Variants in STIM2 observed in about 807,000 individuals in gnomAD.
STIM2 encodes the protein stromal interaction molecule 2.
In STIM2, 31 loss-of-function variants were observed where a neutral mutation model predicts 85.8. The ratio of observed to expected loss-of-function variants is 0.36; its 90% CI spans 0.27 to 0.49. The LOEUF (loss-of-function observed/expected upper bound fraction) is 0.49, where lower values mean the gene tolerates loss of function less well. Among genes scored for constraint, STIM2 ranks in the 20% least tolerant of loss-of-function variants. The probability of loss-of-function intolerance (pLI) is 0.98; values close to 1 mark genes in which losing one functional copy is unlikely to be tolerated. For synonymous variants in STIM2, 356 were observed against 331.1 expected, an observed-to-expected ratio of 1.08 and a Z score of -0.82; for missense variants, 841 against 927.6, an observed-to-expected ratio of 0.91 and a Z score of 1.21.
At chr4:26,903,281 A>G (rs1212526223) in intron 1 of STIM2, among the ~76,000 whole-genome samples, 2 of 152,132 alleles carry the variant, frequency 1.3e-5, no homozygotes, top group Non-Finnish European at 2.9e-5. Context: ...CAAATCTGAC[A>G]TTGTCCAACA....
intron 2 of STIM2, among the ~76,000 whole-genome samples, chr4:26,957,109 A>G (rs866399817): frequency 1.2e-4 from 18 of 152,298 alleles, no homozygotes; most frequent in Middle Eastern, 6.8e-3. Context: ...ATTTGGATAT[A>G]ACCTACAGAC....
chr4:26,959,196 C>A lies in STIM2; in HGVS notation c.397+1470C>A, dbSNP rs1229017654. ...GACCCGTAAGCCTCTACATGTTCTGCCTTCTGTTTCCACCTCTCTCTCATC... is the reference window on the plus strand; with the variant it reads ...GACCCGTAAGCCTCTACATGTTCTGACTTCTGTTTCCACCTCTCTCTCATC... On this transcript the variant is annotated intron_variant, in intron 3 of 11. Transcript: ENST00000467087. Among the ~76,000 whole-genome samples the A allele has an allele frequency of 3.3e-5, 5 of 152,136 alleles. No homozygotes were observed. The East Asian group carries it at 7.7e-4, about 23-fold the overall frequency.
At chr4:26,903,625 A>G (rs549593359) in intron 1 of STIM2, among the ~76,000 whole-genome samples, 1 of 152,312 alleles carries the variant, frequency 6.6e-6, no homozygotes, top group South Asian at 2.1e-4. Context: ...AAATGGCACA[A>G]ATCTCTTGAC....
At chr4:26,908,408 C>T (rs775135473) in intron 1 of STIM2, among the ~76,000 whole-genome samples, 42 of 152,142 alleles carry the variant, frequency 2.8e-4, no homozygotes, top group Non-Finnish European at 1.2e-4. Context: ...GTTTAGTCAT[C>T]ATGAGAAGTG....
At chr4:27,001,406 GT>G (rs1454129886) in intron 5 of STIM2, among the ~76,000 whole-genome samples, 1 of 152,120 alleles carries the variant, frequency 6.6e-6, no homozygotes, top group East Asian at 1.9e-4. Flanking sequence ...AAGGCTGGGG[GT>G]TAACATCATA....
intron 1 of STIM2, among the ~76,000 whole-genome samples, chr4:26,892,443 G>A (rs1313971220): frequency 2.0e-5 from 3 of 152,050 alleles, no homozygotes; most frequent in South Asian, 2.1e-4. Context: ...TCAAGACGGC[G>A]CCACCCTCAT....
At chr4:26,969,968 A>G (rs1726869225) in intron 3 of STIM2, among the ~76,000 whole-genome samples, 1 of 151,688 alleles carries the variant, frequency 6.6e-6, no homozygotes, top group Non-Finnish European at 1.5e-5. Context: ...TTTTAGTACA[A>G]AGTTTCATTT....
chr4:26,981,059 A>G (rs1727368326), intron 3 of STIM2, among the ~76,000 whole-genome samples: 1 of 152,252 alleles, frequency 6.6e-6, no homozygotes, highest in South Asian at 2.1e-4. Flanking sequence ...AGGTACAGCT[A>G]TTCTTTCCCA....
rs201209556 is a variant in STIM2 at position 26,921,933 on chromosome 4, CCAAAAT to C, written c.282+2302_282+2307del. ...TAGAGCTCAGTCAGTACCAGCGATA[CCAAAAT>C]CATTACTTTCGATTCAAAGTAGATC... On this transcript the variant is annotated intron_variant, in intron 2 of 11. Transcript: ENST00000467087. Among the ~76,000 whole-genome samples, 1,339 of 152,276 alleles carry C rather than the reference CCAAAAT, an allele frequency of 8.8e-3. 9 individuals carry two copies. The highest frequency in any genetic ancestry group is 0.014 in the Non-Finnish European group (953 of 68,008).
At chr4:26,865,917 A>G (rs1220535975) in intron 1 of STIM2, among the ~76,000 whole-genome samples, 1 of 152,056 alleles carries the variant, frequency 6.6e-6, no homozygotes, top group East Asian at 1.9e-4. Context: ...ATGTGTTAGT[A>G]TTGTGCTAAG....
At chr4:27,003,574 T>C (rs1242464506) in intron 7 of STIM2, among the ~76,000 whole-genome samples, 2 of 152,114 alleles carry the variant, frequency 1.3e-5, no homozygotes, top group Non-Finnish European at 2.9e-5. Context: ...TTACTTAAGA[T>C]AGAATATAGG....
At chr4:27,002,430 C>G (rs1358987538) in intron 6 of STIM2, 36 bp downstream of exon 6, 3 of 1,516,744 alleles carry the variant, frequency 2.0e-6, no homozygotes, top group African/African-American at 2.8e-5. Context: ...TTTATGTAGG[C>G]AAATACAATT....
At chr4:26,870,582 A>G (rs1051347823) in intron 1 of STIM2, among the ~76,000 whole-genome samples, 1 of 152,180 alleles carries the variant, frequency 6.6e-6, no homozygotes, top group Non-Finnish European at 1.5e-5. Flanking sequence ...TTTAACTGAT[A>G]TATGATAGAT....
chr4:26,959,354 T>C (rs568988811), intron 3 of STIM2, among the ~76,000 whole-genome samples: 1 of 152,270 alleles, frequency 6.6e-6, no homozygotes, highest in Admixed American at 6.5e-5. Flanking sequence ...TTAAAGTCTT[T>C]ATCAAGGGTT....
At chr4:26,869,775 T>A (rs1053057435) in intron 1 of STIM2, among the ~76,000 whole-genome samples, 1 of 151,420 alleles carries the variant, frequency 6.6e-6, no homozygotes, top group African/African-American at 2.4e-5. Context: ...ATTTTGTTTC[T>A]TAAAAGGCCA....
chr4:26,945,238 C>T (rs964808308), intron 2 of STIM2, among the ~76,000 whole-genome samples: 4 of 152,142 alleles, frequency 2.6e-5, no homozygotes, highest in African/African-American at 4.8e-5. Context: ...AGGATAGTGG[C>T]CTCCAGTTTC....
At chr4:26,916,338 C>T (rs1314257973) in intron 1 of STIM2, among the ~76,000 whole-genome samples, 1 of 152,134 alleles carries the variant, frequency 6.6e-6, no homozygotes, top group Non-Finnish European at 1.5e-5. Flanking sequence ...TCAAACTTGG[C>T]AAAACACCAA....
chr4:26,920,887 G>T (rs994450326), intron 2 of STIM2, among the ~76,000 whole-genome samples: 2 of 152,066 alleles, frequency 1.3e-5, no homozygotes, highest in African/African-American at 2.4e-5. Context: ...CCTATTTCTC[G>T]ATTCTTCTTC....
At chr4:26,902,438 C>T (rs1723958001) in intron 1 of STIM2, among the ~76,000 whole-genome samples, 1 of 152,088 alleles carries the variant, frequency 6.6e-6, no homozygotes, top group Non-Finnish European at 1.5e-5. Context: ...AGTATAGCTA[C>T]ATTTAGGAGA....
Sources: gnomAD v4.1 joint callset for allele counts (sites outside exome capture counted in the v4.1 genomes callset) on GRCh38, gnomAD v4.1.1 for gene constraint, MANE v1.5 for transcripts, NCBI Gene and HGNC (gene_info 2026-07-23, HGNC 2026-07-21) for gene names.